IL18BP: variants seen among roughly 807,000 people sequenced by gnomAD.
The protein encoded by IL18BP is interleukin 18 binding protein.
IL18BP carries 23 observed loss-of-function variants against 19.9 expected under a neutral mutation model. That is an observed-to-expected ratio of 1.15 (90% confidence interval 0.83 to 1.64). The LOEUF is 1.64. IL18BP is among the 40% of genes most tolerant of loss of function. The pLI is 0.00. For synonymous variants in IL18BP, 107 were observed against 101.0 expected, an observed-to-expected ratio of 1.06 and a Z score of -0.35; for missense variants, 239 against 240.7, an observed-to-expected ratio of 0.99 and a Z score of 0.05.
At chr11:72,007,082 G>C, downstream of IL18BP, 3 of 1,349,508 alleles carry the variant, frequency 2.2e-6, no homozygotes, top group South Asian at 3.9e-5. Context: ...CTGTAACATG[G>C]ACTGGCTGCT....
chr11:71,999,905 C>T, intron 1 of IL18BP, 22 bp from the exon 2 acceptor site: 1 of 1,486,420 alleles, frequency 6.7e-7, no homozygotes. Flanking sequence ...GTTTACCATT[C>T]TCCTCCCCCA....
chr11:72,001,688 A>C (rs1193016246), intron 5 of IL18BP, 96 bp from the exon 6 acceptor site: 1 of 1,612,082 alleles, frequency 6.2e-7, no homozygotes, highest in Admixed American at 1.7e-5. Context: ...ACAAAAAGGA[A>C]CTTAGGTCTT....
chr11:72,003,443 A>G (rs1247861428), downstream of IL18BP: 2 of 1,338,416 alleles, frequency 1.5e-6, no homozygotes, highest in African/African-American at 1.4e-5. Flanking sequence ...AGCTGAGAGA[A>G]GGCACTGAGA....
chr11:72,003,452 G>A (rs1197145564), downstream of IL18BP: 4 of 1,443,148 alleles, frequency 2.8e-6, no homozygotes, highest in East Asian at 4.5e-5. Flanking sequence ...AAGGCACTGA[G>A]AGGGACAGTA....
intron 2 of IL18BP, 133 bp downstream of exon 2, chr11:72,000,145 C>A: frequency 1.0e-6 from 1 of 1,003,494 alleles, no homozygotes; most frequent in Non-Finnish European, 1.5e-6. Context: ...CTTTAAGAAC[C>A]TGGGCAGATA....
chr11:72,004,020 G>T, downstream of IL18BP: 1 of 1,613,380 alleles, frequency 6.2e-7, no homozygotes, highest in South Asian at 1.1e-5. Flanking sequence ...CTTCTTTGAG[G>T]CTCCCCGCCG....
intron 1 of IL18BP, chr11:71,999,579 T>C (rs1565170262): frequency 8.4e-6 from 2 of 236,968 alleles, no homozygotes; most frequent in Non-Finnish European, 1.7e-5. Flanking sequence ...GGGGCAGTGC[T>C]TTCCCAGAAG....
downstream of IL18BP, chr11:72,007,230 G>T (rs760257951): frequency 3.1e-6 from 5 of 1,612,776 alleles, no homozygotes; most frequent in African/African-American, 5.3e-5. Flanking sequence ...GTGCGCCGAC[G>T]AGCGGAGCGG....
rs5743671 is a variant in IL18BP at position 72,001,077 on chromosome 11, G to A, written c.236-124G>A. On this transcript the variant is annotated intron_variant, in intron 3 of 5. Coordinates refer to ENST00000393703, the MANE Select transcript of IL18BP (RefSeq NM_001039660.2). ...ACGGACGTTCCCACCTAGGTGGTGT[G>A]CAGAGCAGTTCTCTAGGTTCCAGAT... The A allele has an allele frequency of 1.1e-3, 1,261 of 1,161,922 alleles. 16 individuals are homozygous for A. The African/African-American group carries it at 0.017, about 16-fold the overall frequency. 72.0% of individuals were successfully genotyped at this position (1,161,922 alleles called of 1,614,324 possible).
chr11:72,007,059 C>G, downstream of IL18BP: 1 of 1,149,430 alleles, frequency 8.7e-7, no homozygotes. Flanking sequence ...TTTAAGACCT[C>G]TCAGCTTTCC....
chr11:72,005,536 C>G (rs1444968592), downstream of IL18BP: 1 of 618,748 alleles, frequency 1.6e-6, no homozygotes. Flanking sequence ...CAGACTATTT[C>G]TATCCTAGGG....
downstream of IL18BP, chr11:72,003,115 G>A (rs544315689): frequency 7.5e-6 from 2 of 265,816 alleles, no homozygotes; most frequent in East Asian, 1.1e-4. Flanking sequence ...CAAGAGTGAG[G>A]GCCCCTGCTG....
chr11:72,001,619 G>A (rs1464469594), intron 5 of IL18BP, 67 bp downstream of exon 5: 7 of 1,588,802 alleles, frequency 4.4e-6, no homozygotes, highest in Non-Finnish European at 6.0e-6. Flanking sequence ...GGGAGGAAAG[G>A]GTGGGCTCTG....
Position 72,001,867 on chromosome 11 carries a change from A to C in IL18BP, c.*6A>C. The stretch of plus-strand genomic sequence containing the variant: ...GTCCACAGCAGCAGGGTTAAGACTC[A>C]GCACAGGGCCAGCAGCAGCACAACC... On this transcript the variant is annotated 3_prime_UTR_variant, in exon 6 of 6. Coordinates refer to ENST00000393703, the MANE Select transcript of IL18BP (RefSeq NM_001039660.2). 6.2e-7 allele frequency: 1 copy of C among 1,614,150 alleles called. No homozygotes were observed. Among genetic ancestry groups the C allele is most frequent in the Non-Finnish European group, 8.5e-7 (1 of 1,179,992 alleles).
chr11:72,004,786 C>T, downstream of IL18BP: 1 of 1,592,212 alleles, frequency 6.3e-7, no homozygotes, highest in Non-Finnish European at 8.5e-7. Context: ...TTCATCTCCT[C>T]ATCTGTGATG....
At chr11:72,006,404 T>G, downstream of IL18BP, 1 of 667,450 alleles carries the variant, frequency 1.5e-6, no homozygotes, top group Non-Finnish European at 2.5e-6. Flanking sequence ...AGTGTGTGTC[T>G]GCAAGAAATG....
At chr11:72,004,627 C>G (rs1955553539), downstream of IL18BP, 1 of 1,609,688 alleles carries the variant, frequency 6.2e-7, no homozygotes, top group Non-Finnish European at 8.5e-7. Flanking sequence ...CACCCAGGAG[C>G]CACCGCGCCT....
At chr11:72,004,753 G>C, downstream of IL18BP, 1 of 1,608,212 alleles carries the variant, frequency 6.2e-7, no homozygotes, top group South Asian at 1.1e-5. Context: ...GCTCGGCGCA[G>C]GGTCTCTTGG....
In IL18BP at chr11:72,001,143, A is replaced by G. The variant is rs1168772973; in HGVS notation, c.236-58A>G. ...GGAGCTGGCAGGGAGGGCACAGCAG[A>G]GCAGGGTAGGGGAAGGGCCTGCTCT... On this transcript the variant is annotated intron_variant, in intron 3 of 5. Transcript: ENST00000393703. 1.9e-6 allele frequency: 3 copies of G among 1,608,006 alleles called. No individual in the cohort carries two copies. In the African/African-American group the frequency reaches 4.0e-5, roughly 21 times the overall value.
Sources: allele counts gnomAD v4.1 joint callset, GRCh38; gene constraint gnomAD v4.1.1; transcripts MANE v1.5; gene names NCBI Gene and HGNC (gene_info 2026-07-23, HGNC 2026-07-21).